The following TRAPPC2 variants were observed in gnomAD, a reference collection of about 807,000 sequenced individuals.
TRAPPC2 encodes the protein trafficking protein particle complex subunit 2.
A neutral mutation model predicts 10.0 loss-of-function variants in TRAPPC2; 4 were observed. The ratio of observed to expected loss-of-function variants is 0.40; its 90% CI spans 0.20 to 0.92. The LOEUF is 0.92. Ranked by LOEUF, TRAPPC2 falls within the 40% of genes least tolerant of loss-of-function variation. TRAPPC2 has a pLI of 0.35. For missense variants in TRAPPC2, 52 were observed against 108.7 expected (o/e 0.48, Z 2.32); for synonymous variants, 36 against 37.3 (o/e 0.97, Z 0.12).
At chrX:13,720,084 T>A in intron 2 of TRAPPC2, 102 bp from the exon 3 acceptor site, 1 of 591,705 alleles carries the variant, frequency 1.7e-6, no homozygotes, top group Admixed American at 4.5e-5. Flanking sequence ...AAACCTGACA[T>A]TGTAGAGGAA....
chrX:13,713,136 ATC>A lies in TRAPPC2; in HGVS notation c.*1269_*1270del, dbSNP rs2046237132. The A allele has an allele frequency of 9.9e-6, 1 of 100,527 alleles. No individual in the cohort carries two copies. The highest frequency in any genetic ancestry group is 3.8e-5 in the African/African-American group (1 of 26,567). 8.3% of individuals were successfully genotyped at this position (100,527 alleles called of 1,213,427 possible). A position where few individuals can be genotyped will look rare whatever the true frequency, so the allele number is the denominator to read the frequency against. ...AAAAAAAAACCCCAAAGATCAACCTATCTGAATTGGGTAAGTCAAAAGCTTAT... is the reference window on the plus strand; with the variant it reads ...AAAAAAAAACCCCAAAGATCAACCTATGAATTGGGTAAGTCAAAAGCTTAT... On this transcript the variant is annotated 3_prime_UTR_variant, in exon 6 of 6. Coordinates refer to ENST00000380579, the MANE Select transcript of TRAPPC2 (RefSeq NM_001011658.4).
In TRAPPC2 at chrX:13,714,469, T is replaced by C; in HGVS notation, c.361A>G (p.Ile121Val). 8.6e-7 allele frequency: 1 copy of C among 1,167,645 alleles called. No homozygotes were observed. Among genetic ancestry groups the C allele is most frequent in the Non-Finnish European group, 1.2e-6 (1 of 868,560 alleles). Reference protein sequence around the residue: ...MNPFYEPNSPIRSSAFDRKVQ... With the variant: ...MNPFYEPNSPVRSSAFDRKVQ... ...TTTCTGTCAAATGCACTTGATCGAA[T>C]AGGAGAATTGGGTTCATAAAATGGA... Residue 121 changes from isoleucine to valine, a missense_variant, in exon 6 of 6, where the codon ATT (isoleucine) becomes GTT (valine). Physicochemically the swap from Ile to Val is conservative, Grantham distance 29. Transcript: ENST00000380579.
intron 2 of TRAPPC2, among the ~76,000 whole-genome samples, chrX:13,729,052 A>G (rs897140895): frequency 4.5e-5 from 5 of 111,787 alleles, no homozygotes; most frequent in African/African-American, 1.6e-4. Flanking sequence ...GACGTGAAGG[A>G]CCTCTTCAAG....
At chrX:13,722,856 G>C (rs1179119662) in intron 2 of TRAPPC2, among the ~76,000 whole-genome samples, 1 of 111,388 alleles carries the variant, frequency 9.0e-6, no homozygotes, top group African/African-American at 3.3e-5. Context: ...GAGGTCAGGA[G>C]ATCGAGACCA....
At chrX:13,714,615 A>G in intron 5 of TRAPPC2, 110 bp from the exon 6 acceptor site, 1 of 412,269 alleles carries the variant, frequency 2.4e-6, no homozygotes, top group East Asian at 4.1e-5. Flanking sequence ...TCCAAAGTCT[A>G]AAGACCACAT....
At chrX:13,720,028 A>G (rs1284303643) in intron 2 of TRAPPC2, 46 bp from the exon 3 acceptor site, 1 of 879,111 alleles carries the variant, frequency 1.1e-6, no homozygotes, top group African/African-American at 2.0e-5. Flanking sequence ...TCAATCTTCA[A>G]ATTAAAAAAT....
intron 2 of TRAPPC2, chrX:13,720,293 G>C (rs2046380641): frequency 7.1e-6 from 1 of 140,428 alleles, no homozygotes; most frequent in Non-Finnish European, 1.4e-5. Context: ...GGGGCCCTAA[G>C]TGTCTGGTAG....
intron 3 of TRAPPC2, among the ~76,000 whole-genome samples, chrX:13,716,879 C>T (rs945682683): frequency 9.1e-6 from 1 of 110,308 alleles, no homozygotes; most frequent in African/African-American, 3.3e-5. Context: ...TACATCTCAA[C>T]AGAAACAGCC....
intron 2 of TRAPPC2, among the ~76,000 whole-genome samples, chrX:13,727,780 A>T (rs1016885083): frequency 1.8e-5 from 2 of 112,306 alleles, no homozygotes; most frequent in African/African-American, 6.5e-5. Flanking sequence ...AAACACACGA[A>T]AAACCCTTTA....
chrX:13,721,378 C>T (rs1197337153), intron 2 of TRAPPC2: 1 of 112,188 alleles, frequency 8.9e-6, no homozygotes, highest in Non-Finnish European at 1.9e-5. Flanking sequence ...TGTAAAGTAC[C>T]CAGTACAGTG....
chrX:13,731,492 CAG>C (rs964100077), intron 2 of TRAPPC2, among the ~76,000 whole-genome samples: 12 of 112,253 alleles, frequency 1.1e-4, no homozygotes, highest in South Asian at 3.6e-4. Context: ...GGTAGGTAAA[CAG>C]AAAGTCATTT....
intron 2 of TRAPPC2, chrX:13,720,282 AG>A (rs1287156648): frequency 1.3e-5 from 2 of 150,478 alleles, no homozygotes; most frequent in African/African-American, 6.2e-5. Context: ...ATTCAGCTCA[AG>A]GGGCCCTAAG....
In TRAPPC2 at chrX:13,716,658, G is replaced by A. The variant is rs770550765; in HGVS notation, c.114C>T (p.Asn38=). The part of the protein sequence containing the change: ...AESKDDHRHL[N]QFIAHAALDL... The stretch of plus-strand genomic sequence containing the variant: ...CGAGAGCAGCATGAGCTATGAACTG[G>A]TTCAGATGACGATGGTCGTCCTAGA... The change falls in exon 4 of 6, where the codon AAC becomes AAT. Residue 38 remains asparagine, a synonymous_variant. Transcript: ENST00000380579. 1.6e-4 allele frequency: 193 copies of A among 1,210,379 alleles called. No homozygotes were observed. The South Asian group carries it at 3.4e-3, about 21-fold the overall frequency.
chrX:13,723,049 C>T (rs1193356720), intron 2 of TRAPPC2, among the ~76,000 whole-genome samples: 2 of 98,917 alleles, frequency 2.0e-5, no homozygotes, highest in East Asian at 3.5e-4. Context: ...GAGCCAAGAT[C>T]GTGCCACTGC....
Position 13,719,974 on chromosome X carries a change from A to G in TRAPPC2, c.-11T>C. ...GAAGCTCCCAGACATGGTCTTCAATATATGGCTCCTAATTAAGTGAAAAAT... is the reference window on the plus strand; with the variant it reads ...GAAGCTCCCAGACATGGTCTTCAATGTATGGCTCCTAATTAAGTGAAAAAT... On this transcript the variant is annotated 5_prime_UTR_variant, in exon 3 of 6. Transcript: ENST00000380579. 8.8e-7 allele frequency: 1 copy of G among 1,133,569 alleles called. No homozygotes were observed. The highest frequency in any genetic ancestry group is 1.2e-6 in the Non-Finnish European group (1 of 850,348). 93.4% of individuals were successfully genotyped at this position (1,133,569 alleles called of 1,213,427 possible).
At chrX:13,722,879 T>C (rs909543797) in intron 2 of TRAPPC2, among the ~76,000 whole-genome samples, 18 of 110,990 alleles carry the variant, frequency 1.6e-4, no homozygotes, top group East Asian at 1.4e-3. Context: ...CTGGCTAACA[T>C]GGTGAAACCC....
At chrX:13,720,528 C>T (rs976339346) in intron 2 of TRAPPC2, 2 of 112,559 alleles carry the variant, frequency 1.8e-5, no homozygotes, top group South Asian at 3.6e-4. Flanking sequence ...ATCACTGATT[C>T]GCAGACTGCG....
intron 2 of TRAPPC2, among the ~76,000 whole-genome samples, chrX:13,723,952 AG>A (rs2046483508): frequency 8.9e-6 from 1 of 111,855 alleles, no homozygotes; most frequent in Non-Finnish European, 1.9e-5. Flanking sequence ...TGTCATGACA[AG>A]GGCCTTAAAA....
intron 2 of TRAPPC2, among the ~76,000 whole-genome samples, chrX:13,733,769 T>C (rs2046736452): frequency 9.1e-6 from 1 of 110,132 alleles, no homozygotes. Flanking sequence ...CTTTTAATGA[T>C]TCCTTTGCTC....
Sources: gnomAD v4.1 joint callset for allele counts (sites outside exome capture counted in the v4.1 genomes callset) on GRCh38, gnomAD v4.1.1 for gene constraint, MANE v1.5 for transcripts, NCBI Gene and HGNC (gene_info 2026-07-23, HGNC 2026-07-21) for gene names.